CD55: variants seen among roughly 807,000 people sequenced by gnomAD.
CD55 encodes the protein complement decay-accelerating factor.
A neutral mutation model predicts 45.8 loss-of-function variants in CD55; 41 were observed. The observed-to-expected ratio is 0.90, with a 90% confidence interval of 0.70 to 1.16. The LOEUF (loss-of-function observed/expected upper bound fraction) is 1.16. Among genes scored for constraint, CD55 ranks in the 50% most tolerant of loss-of-function variants. The probability of loss-of-function intolerance (pLI) is 0.00; values close to 1 mark genes in which losing one functional copy is unlikely to be tolerated. For missense variants in CD55, 416 were observed against 469.8 expected, an observed-to-expected ratio of 0.89 and a Z score of 1.06; for synonymous variants, 181 against 181.1, an observed-to-expected ratio of 1.00 and a Z score of 0.01.
rs1654704784 is a variant in CD55, at chr1:207,326,800, C to T, written c.627C>T (p.Ser209=). 6 of 1,613,914 alleles carry T rather than the reference C, an allele frequency of 3.7e-6. No individual in the cohort carries two copies. The highest frequency in any genetic ancestry group is 5.1e-6 in the Non-Finnish European group (6 of 1,179,874). Reference sequence around the variant, plus strand: ...CTAGTTTTTGTCTTATTTCAGGCAGCTCTGTCCAGTGGAGTGACCCGTTGC... The same window carrying T: ...CTAGTTTTTGTCTTATTTCAGGCAGTTCTGTCCAGTGGAGTGACCCGTTGC... ...STSSFCLISG[S]SVQWSDPLPE... The change falls in exon 5 of 10, where the codon AGC becomes AGT. Residue 209 remains serine (S), a synonymous_variant. Coordinates refer to ENST00000367064, the MANE Select transcript of CD55 (RefSeq NM_000574.5).
At chr1:207,322,132 C>A in intron 1 of CD55, 1 of 648,058 alleles carries the variant, frequency 1.5e-6, no homozygotes, top group South Asian at 1.8e-5. Flanking sequence ...CCAAGCCTGG[C>A]AAAATCGAAA....
At chr1:207,340,455 T>A in intron 9 of CD55, 2 of 673,754 alleles carry the variant, frequency 3.0e-6, no homozygotes, top group Non-Finnish European at 5.4e-6. Context: ...AGTCTCGAAC[T>A]CCTGGGTTCA....
intron 9 of CD55, among the ~76,000 whole-genome samples, chr1:207,342,603 CT>C (rs1340918330): frequency 6.6e-6 from 1 of 152,092 alleles, no homozygotes; most frequent in Non-Finnish European, 1.5e-5. Context: ...TTTGCTAATA[CT>C]TTGCTGAGAA....
At chr1:207,358,488 A>G (rs1484641431) in intron 9 of CD55, 1 of 152,184 alleles carries the variant, frequency 6.6e-6, no homozygotes. Flanking sequence ...AATTCAATTC[A>G]ATAGTTTTTT....
rs535743513 is a variant in CD55, at chr1:207,341,405, A to C, written c.1081+1988A>C. On this transcript the variant is annotated intron_variant, in intron 9 of 9. Coordinates refer to ENST00000367064, the MANE Select transcript of CD55 (RefSeq NM_000574.5). ...TAGTATTTTTATAGTTGTGGATCTT[A>C]TGTTTAAGTTTTTAATCATCTCGAT... is the stretch of plus-strand genomic sequence containing the variant. 5.3e-5 allele frequency among the ~76,000 whole-genome samples: 8 copies of C among 152,120 alleles called. No individual in the cohort carries two copies. The South Asian group carries it at 1.7e-3, about 32-fold the overall frequency.
At chr1:207,324,974 A>G (rs1042005334) in intron 3 of CD55, among the ~76,000 whole-genome samples, 4 of 152,202 alleles carry the variant, frequency 2.6e-5, no homozygotes, top group Non-Finnish European at 5.9e-5. Flanking sequence ...GTTACCTAAA[A>G]TAAAACAAGT....
At chr1:207,326,602 C>T in intron 4 of CD55, 150 bp from the exon 5 acceptor site, 9 of 591,570 alleles carry the variant, frequency 1.5e-5, no homozygotes, top group Admixed American at 3.0e-5. Flanking sequence ...TTTTCTTTTC[C>T]TTTAAACTAC....
intron 9 of CD55, chr1:207,353,867 T>C (rs1203905472): frequency 9.6e-6 from 6 of 627,808 alleles, no homozygotes; most frequent in Non-Finnish European, 1.5e-5. Context: ...TCAAATCATC[T>C]ACGAAAATCT....
In CD55 at chr1:207,336,715, C is replaced by T; in HGVS notation, c.876C>T (p.Val292=). The T allele has an allele frequency of 6.2e-7, 1 of 1,613,810 alleles. No individual in the cohort carries two copies. The highest frequency in any genetic ancestry group is 1.1e-5 in the South Asian group (1 of 91,066). ...CAGGAAAATCTCTAACTTCCAAGGT[C>T]CCACCAACAGTTCAGAAACCTACCA... ...ECRGKSLTSK[V]PPTVQKPTTV... is the part of the protein sequence containing the mutation. The change falls in exon 7 of 10, where the codon GTC becomes GTT. Residue 292 remains valine, a synonymous_variant. Coordinates refer to ENST00000367064, the MANE Select transcript of CD55 (RefSeq NM_000574.5).
chr1:207,347,787 G>A (rs759704926), intron 9 of CD55, among the ~76,000 whole-genome samples: 7 of 152,148 alleles, frequency 4.6e-5, no homozygotes, highest in Non-Finnish European at 8.8e-5. Flanking sequence ...TTGCATCCAT[G>A]TGTACTCATT....
rs868463802 is a variant in CD55 at position 207,347,186 on chromosome 1, G to A, written c.1081+7769G>A. The A allele has an allele frequency of 5.3e-5, 24 of 456,256 alleles. 2 individuals carry two copies. In the Middle Eastern group the frequency reaches 7.8e-3, roughly 148 times the overall value. The allele number at this position is 456,256 out of a possible 1,614,324, so 28.3% of individuals were successfully genotyped here. ...GAGGCATCTAGTCAGACATCTTGAA[G>A]CCACTCCCCATGATACTGTCTTAGG... On this transcript the variant is annotated intron_variant, in intron 9 of 9. Transcript: ENST00000367064.
At chr1:207,355,875 A>C (rs1260157249) in intron 9 of CD55, among the ~76,000 whole-genome samples, 1 of 150,914 alleles carries the variant, frequency 6.6e-6, no homozygotes, top group Non-Finnish European at 1.5e-5. Flanking sequence ...TGAAACACTT[A>C]AGAAGCCTCT....
intron 8 of CD55, among the ~76,000 whole-genome samples, chr1:207,338,310 A>G (rs1655273850): frequency 6.6e-6 from 1 of 152,132 alleles, no homozygotes; most frequent in East Asian, 1.9e-4. Context: ...GCTTACATTG[A>G]TTAATTTAGA....
chr1:207,337,084 C>A, intron 7 of CD55: 1 of 605,914 alleles, frequency 1.7e-6, no homozygotes, highest in South Asian at 2.0e-5. Flanking sequence ...CCACCAAATC[C>A]CCAGCAGCAG....
At chr1:207,323,590 G>A (rs925730248) in intron 2 of CD55, among the ~76,000 whole-genome samples, 4 of 152,094 alleles carry the variant, frequency 2.6e-5, no homozygotes, top group African/African-American at 9.7e-5. Flanking sequence ...AGATATATGA[G>A]TAGAGATAAA....
intron 2 of CD55, among the ~76,000 whole-genome samples, chr1:207,323,117 T>C (rs552769455): frequency 2.9e-4 from 44 of 151,932 alleles, no homozygotes; most frequent in African/African-American, 1.1e-3. Context: ...AATCTTCTCT[T>C]CTTGCTACTT....
intron 3 of CD55, among the ~76,000 whole-genome samples, chr1:207,325,375 T>A (rs894300348): frequency 1.3e-5 from 2 of 150,908 alleles, no homozygotes; most frequent in South Asian, 2.1e-4. Flanking sequence ...GAAATATCAA[T>A]GGTTCAGATG....
At position 207,359,565 on chromosome 1, in the gene CD55, G is replaced by A. The variant is rs1427019175; in HGVS notation, c.1101G>A (p.Leu367=). The A allele has an allele frequency of 1.4e-6, 2 of 1,470,836 alleles. No homozygotes were observed. The highest frequency in any genetic ancestry group is 1.8e-6 in the Non-Finnish European group (2 of 1,086,102). The allele number at this position is 1,470,836 out of a possible 1,614,324, so 91.1% of individuals were successfully genotyped here. ...RLLSGHTCFT[L]TGLLGTLVTM... ...TTTCAGGGCACACGTGTTTCACGTTGACAGGTTTGCTTGGGACGCTAGTAA... is the reference window on the plus strand; with the variant it reads ...TTTCAGGGCACACGTGTTTCACGTTAACAGGTTTGCTTGGGACGCTAGTAA... Residue 367 remains leucine (L), a synonymous_variant, in exon 10 of 10, where the codon TTG becomes TTA. Coordinates refer to ENST00000367064, the MANE Select transcript of CD55 (RefSeq NM_000574.5).
chr1:207,338,903 AAT>A (rs1381613398), intron 8 of CD55, among the ~76,000 whole-genome samples: 1 of 152,120 alleles, frequency 6.6e-6, no homozygotes. Flanking sequence ...TATTGTTATA[AAT>A]ATGCTTATCT....
Sources: gnomAD v4.1 joint callset for allele counts (sites outside exome capture counted in the v4.1 genomes callset) on GRCh38, gnomAD v4.1.1 for gene constraint, MANE v1.5 for transcripts, NCBI Gene and HGNC (gene_info 2026-07-23, HGNC 2026-07-21) for gene names.